ASAP1: variants seen among roughly 807,000 people sequenced by gnomAD.
ASAP1 encodes arf-GAP with SH3 domain, ANK repeat and PH domain-containing protein 1.
Under a neutral mutation model 145.2 loss-of-function variants are expected in ASAP1, and 43 were observed. The observed-to-expected ratio is 0.30, with a 90% confidence interval of 0.23 to 0.38. The LOEUF (loss-of-function observed/expected upper bound fraction) is 0.38, where lower values mean the gene tolerates loss of function less well. Among genes scored for constraint, ASAP1 ranks in the 10% least tolerant of loss-of-function variants. The probability of loss-of-function intolerance (pLI) is 1.00; values close to 1 mark genes in which losing one functional copy is unlikely to be tolerated. For missense variants in ASAP1, 1,018 were observed against 1,355.3 expected, an observed-to-expected ratio of 0.75 and a Z score of 3.91; for synonymous variants, 546 against 515.5, an observed-to-expected ratio of 1.06 and a Z score of -0.80.
At chr8:130,167,467 A>C in intron 11 of ASAP1, 69 bp downstream of exon 11, 2 of 1,248,626 alleles carry the variant, frequency 1.6e-6, no homozygotes, top group Non-Finnish European at 1.2e-6. Flanking sequence ...CAGATCAGGA[A>C]ACACAAAGGG....
intron 3 of ASAP1, among the ~76,000 whole-genome samples, chr8:130,288,913 G>A (rs551519267): frequency 9.2e-5 from 14 of 152,216 alleles, no homozygotes; most frequent in African/African-American, 1.9e-4. Flanking sequence ...AAGGCTGGGC[G>A]CGGTGGCTCA....
At chr8:130,139,472 T>A (rs1291992757) in intron 13 of ASAP1, among the ~76,000 whole-genome samples, 1 of 152,208 alleles carries the variant, frequency 6.6e-6, no homozygotes, top group African/African-American at 2.4e-5. Flanking sequence ...ATGCCTGTAA[T>A]CCCAGCACTT....
At chr8:130,279,952 T>C (rs1288645091) in intron 3 of ASAP1, among the ~76,000 whole-genome samples, 2 of 152,248 alleles carry the variant, frequency 1.3e-5, no homozygotes, top group Non-Finnish European at 2.9e-5. Context: ...ACATCAACTA[T>C]GTGCCAGGTT....
intron 9 of ASAP1, among the ~76,000 whole-genome samples, chr8:130,172,138 C>G (rs1000642871): frequency 6.6e-6 from 1 of 152,162 alleles, no homozygotes; most frequent in Admixed American, 6.5e-5. Flanking sequence ...TGTGAAACTA[C>G]CCAGCAAAGT....
intron 11 of ASAP1, among the ~76,000 whole-genome samples, chr8:130,163,494 G>C (rs2097673838): frequency 1.3e-5 from 2 of 152,200 alleles, no homozygotes; most frequent in African/African-American, 4.8e-5. Flanking sequence ...TGAGCAGAAA[G>C]GAAGCAGTAT....
intron 3 of ASAP1, among the ~76,000 whole-genome samples, chr8:130,243,735 CT>C (rs552346070): frequency 6.6e-6 from 1 of 152,298 alleles, no homozygotes; most frequent in South Asian, 2.1e-4. Context: ...TGTACCTTCT[CT>C]CTTTTTTTCT....
intron 25 of ASAP1, chr8:130,084,191 C>G (rs1317318192): frequency 6.6e-6 from 1 of 152,238 alleles, no homozygotes; most frequent in Non-Finnish European, 1.5e-5. Flanking sequence ...AACTTCTCTG[C>G]CCACAGCGGA....
intron 24 of ASAP1, among the ~76,000 whole-genome samples, chr8:130,108,196 TA>T (rs2097540787): frequency 6.6e-6 from 1 of 152,210 alleles, no homozygotes; most frequent in Non-Finnish European, 1.5e-5. Context: ...AGAGCCTCTC[TA>T]AGGTAGGAAG....
intron 1 of ASAP1, among the ~76,000 whole-genome samples, chr8:130,428,598 CACT>C (rs370961685): frequency 6.7e-6 from 1 of 148,440 alleles, no homozygotes; most frequent in South Asian, 2.2e-4. Context: ...CCATCATCAC[CACT>C]ATCACCATCA....
intron 4 of ASAP1, among the ~76,000 whole-genome samples, chr8:130,217,766 A>G (rs1231031214): frequency 2.0e-5 from 3 of 152,190 alleles, no homozygotes; most frequent in African/African-American, 7.2e-5. Context: ...AGGATGTTCA[A>G]TAACTGAGAT....
Position 130,358,012 on chromosome 8 carries a change from C to T in ASAP1, c.186+5G>A. ...GTGGACGGCGGGGGTCCCGGCCCGA[C>T]CTACCTCCTCCAGCAGCGTGACGGT... is the stretch of plus-strand genomic sequence containing the variant. On this transcript the variant is annotated splice_donor_5th_base_variant and intron_variant, in intron 3 of 29. Coordinates refer to ENST00000518721, the MANE Select transcript of ASAP1 (RefSeq NM_018482.4). This position sits in a 1 kb window ranked among gnomAD's most constrained non-coding sequence, Gnocchi z 4.1. The T allele has an allele frequency of 6.2e-7, 1 of 1,603,564 alleles. No individual in the cohort carries two copies.
chr8:130,352,941 T>C (rs1036714113), intron 3 of ASAP1, among the ~76,000 whole-genome samples: 11 of 152,206 alleles, frequency 7.2e-5, no homozygotes, highest in African/African-American at 2.7e-4. Flanking sequence ...CCAGTTTCCA[T>C]AAGAAAACTT....
intron 3 of ASAP1, among the ~76,000 whole-genome samples, chr8:130,307,071 C>T (rs1823038869): frequency 6.6e-6 from 1 of 152,154 alleles, no homozygotes; most frequent in Admixed American, 6.5e-5. Context: ...GTTTTTTCCA[C>T]CCTCGCTCTA....
intron 8 of ASAP1, among the ~76,000 whole-genome samples, chr8:130,180,409 A>C (rs766497627): frequency 2.0e-5 from 3 of 152,226 alleles, no homozygotes; most frequent in Non-Finnish European, 4.4e-5. Context: ...TGGTTAAAAA[A>C]ACATGCTCTA....
At position 130,052,526 on chromosome 8, in the gene ASAP1, C is replaced by T. The variant is rs944355404; in HGVS notation, c.*2205G>A. The T allele has an allele frequency of 2.0e-5, 3 of 152,270 alleles. No homozygotes were observed. Among genetic ancestry groups the T allele is most frequent in the East Asian group, 1.9e-4 (1 of 5,162 alleles). The allele number at this position is 152,270 out of a possible 1,614,324, so 9.4% of individuals were successfully genotyped here. A position where few individuals can be genotyped will look rare whatever the true frequency, so the allele number is the denominator to read the frequency against. On this transcript the variant is annotated 3_prime_UTR_variant, in exon 30 of 30. Transcript: ENST00000518721. ...TCAGACTTAAACTCAACAAGATCACCAAAGGTATTTCTACTGAGTTTTCCT... is the reference window on the plus strand; with the variant it reads ...TCAGACTTAAACTCAACAAGATCACTAAAGGTATTTCTACTGAGTTTTCCT...
intron 5 of ASAP1, among the ~76,000 whole-genome samples, chr8:130,208,437 G>GT (rs1402878869): frequency 6.6e-6 from 1 of 152,100 alleles, no homozygotes; most frequent in Non-Finnish European, 1.5e-5. Flanking sequence ...CTAACCGCTG[G>GT]TAACTACTGA....
chr8:130,278,510 T>G (rs1396927335), intron 3 of ASAP1, among the ~76,000 whole-genome samples: 1 of 152,222 alleles, frequency 6.6e-6, no homozygotes, highest in Non-Finnish European at 1.5e-5. Context: ...TAGAAACACA[T>G]GAAGACAATA....
At chr8:130,349,595 T>C (rs1018008810) in intron 3 of ASAP1, among the ~76,000 whole-genome samples, 5 of 152,174 alleles carry the variant, frequency 3.3e-5, no homozygotes, top group Admixed American at 6.5e-5. Context: ...ACAATTAACC[T>C]TGGCAAGAGA....
intron 9 of ASAP1, among the ~76,000 whole-genome samples, chr8:130,173,150 G>C (rs997120393): frequency 3.3e-5 from 5 of 152,216 alleles, no homozygotes; most frequent in Non-Finnish European, 7.3e-5. Flanking sequence ...CAAGCCCCTT[G>C]CAGAAAGTAA....
Sources: gnomAD v4.1 joint callset for allele counts (sites outside exome capture counted in the v4.1 genomes callset) on GRCh38, gnomAD v4.1.1 for gene constraint, Gnocchi (gnomAD v3.1) non-coding constraint, MANE v1.5 for transcripts, NCBI Gene and HGNC (gene_info 2026-07-23, HGNC 2026-07-21) for gene names.